The following POMT2 variants were observed in gnomAD, a reference collection of about 807,000 sequenced individuals.
POMT2 encodes the protein protein O-mannosyltransferase 2.
In POMT2, 75 loss-of-function variants were observed where a neutral mutation model predicts 100.0. The ratio of observed to expected loss-of-function variants is 0.75; its 90% CI spans 0.62 to 0.91. POMT2 has a LOEUF of 0.91. Ranked by LOEUF, POMT2 falls within the 40% of genes least tolerant of loss-of-function variation. The probability of loss-of-function intolerance (pLI) is 0.00; values close to 1 mark genes in which losing one functional copy is unlikely to be tolerated. For missense variants in POMT2, 940 were observed against 955.1 expected, an observed-to-expected ratio of 0.98 and a Z score of 0.21; for synonymous variants, 378 against 374.1, an observed-to-expected ratio of 1.01 and a Z score of -0.12.
intron 15 of POMT2, among the ~76,000 whole-genome samples, chr14:77,282,380 C>T (rs1890267884): frequency 6.6e-6 from 1 of 152,180 alleles, no homozygotes; most frequent in Non-Finnish European, 1.5e-5. Context: ...GGTCCCGGGC[C>T]ACTACTCAGC....
chr14:77,315,683 C>A (rs1354720111), intron 1 of POMT2, among the ~76,000 whole-genome samples: 7 of 152,204 alleles, frequency 4.6e-5, no homozygotes, highest in Non-Finnish European at 8.8e-5. Flanking sequence ...AAATCTACAT[C>A]CCTGGAAGGG....
chr14:77,280,107 C>T (rs1448185205), intron 16 of POMT2, 27 bp from the exon 17 acceptor site: 1 of 1,613,696 alleles, frequency 6.2e-7, no homozygotes, highest in East Asian at 2.2e-5. Flanking sequence ...ACCCTGCTGA[C>T]CCAGGCCCAG....
Position 77,284,971 on chromosome 14 carries a change from C to A in POMT2, c.1555G>T (p.Glu519Ter), listed in dbSNP as rs1379963762. The A allele has an allele frequency of 6.2e-7, 1 of 1,612,514 alleles. No individual in the cohort carries two copies. The highest frequency in any genetic ancestry group is 1.7e-5 in the Admixed American group (1 of 60,024). The stretch of plus-strand genomic sequence containing the variant: ...TCACACTTGGGATTGATATGGTCCT[C>A]CACATTCCAGATGGAGTTGAGGGTT... Reference protein sequence around the residue: ...KETLNSIWNVEDHINPKLPNI... With the variant: ...KETLNSIWNV The change falls in exon 14 of 21, where the codon GAG (glutamate) becomes TAG (stop). Residue 519 changes from glutamate (E) to a stop codon, truncating the protein, a stop_gained. Transcript: ENST00000261534. LOFTEE classifies it high-confidence loss of function.
intron 11 of POMT2, among the ~76,000 whole-genome samples, chr14:77,288,486 C>T (rs1353292016): frequency 6.6e-6 from 1 of 151,994 alleles, no homozygotes; most frequent in Non-Finnish European, 1.5e-5. Flanking sequence ...GCCTGGGTAA[C>T]ATAGTGAGAC....
intron 5 of POMT2, among the ~76,000 whole-genome samples, 159 bp from the exon 6 acceptor site, chr14:77,301,408 A>C (rs749253451): frequency 8.5e-5 from 13 of 152,056 alleles, no homozygotes; most frequent in Non-Finnish European, 1.0e-4. Context: ...TCCATGGAGG[A>C]GGCGGCCTGT....
At chr14:77,319,412 C>T (rs956260159) in intron 1 of POMT2, 2 of 152,150 alleles carry the variant, frequency 1.3e-5, no homozygotes, top group African/African-American at 4.8e-5. Flanking sequence ...ACCATAGAAT[C>T]GAGGAGTGAG....
chr14:77,279,616 C>A (rs1337851861), intron 18 of POMT2: 3 of 689,790 alleles, frequency 4.3e-6, no homozygotes, highest in Non-Finnish European at 7.9e-6. Context: ...TCATAATAGC[C>A]AACGCTCTAG....
In POMT2 at chr14:77,320,707, C is replaced by G; in HGVS notation, c.-26G>C. 6.3e-7 allele frequency: 1 copy of G among 1,589,910 alleles called. No homozygotes were observed. Among genetic ancestry groups the G allele is most frequent in the South Asian group, 1.1e-5 (1 of 90,348 alleles). On this transcript the variant is annotated 5_prime_UTR_variant, in exon 1 of 21. Coordinates refer to ENST00000261534, the MANE Select transcript of POMT2 (RefSeq NM_013382.7). ...CTTCCCCCTCCTCTGGGTCGCCCTC[C>G]GGCCCGGAGGCACACTTTGTCTGAC... is the stretch of plus-strand genomic sequence containing the variant.
In POMT2 at chr14:77,277,320, C is replaced by T; in HGVS notation, c.*56G>A. 6.8e-7 allele frequency: 1 copy of T among 1,467,648 alleles called. No homozygotes were observed. The highest frequency in any genetic ancestry group is 1.4e-5 in the African/African-American group (1 of 71,948). The allele number at this position is 1,467,648 out of a possible 1,614,324, so 90.9% of individuals were successfully genotyped here. On this transcript the variant is annotated 3_prime_UTR_variant, in exon 21 of 21. Transcript: ENST00000261534. ...ATGGCCGGATGGTCCAGTACTGCTTCCCAGCTGGCTCTCCTGGGAAGTTCC... is the reference window on the plus strand; with the variant it reads ...ATGGCCGGATGGTCCAGTACTGCTTTCCAGCTGGCTCTCCTGGGAAGTTCC...
Position 77,278,649 on chromosome 14 carries a change from A to G in POMT2, c.2032+80T>C, listed in dbSNP as rs949874294. Reference sequence around the variant, plus strand: ...ACAGTGGCCTCCCGTCAAGGAGCAGAGTCACTCCCAGCACTGCTGCCCAAC... The same window carrying G: ...ACAGTGGCCTCCCGTCAAGGAGCAGGGTCACTCCCAGCACTGCTGCCCAAC... On this transcript the variant is annotated intron_variant, in intron 19 of 20. Transcript: ENST00000261534. The G allele has an allele frequency of 5.1e-6, 8 of 1,575,532 alleles. No homozygotes were observed. In the African/African-American group the frequency reaches 1.1e-4, roughly 21 times the overall value.
chr14:77,301,608 T>C (rs574822451), intron 5 of POMT2, among the ~76,000 whole-genome samples: 2 of 152,312 alleles, frequency 1.3e-5, no homozygotes, highest in African/African-American at 2.4e-5. Flanking sequence ...GCCCTCTCCT[T>C]TGTGTCACCT....
In POMT2 at chr14:77,280,056, C is replaced by A. The variant is rs753539960; in HGVS notation, c.1750G>T (p.Asp584Tyr). 1.2e-6 allele frequency: 2 copies of A among 1,613,912 alleles called. No individual in the cohort carries two copies. The highest frequency in any genetic ancestry group is 1.7e-6 in the Non-Finnish European group (2 of 1,180,008). Residue 584 changes from aspartate to tyrosine, a missense_variant, in exon 17 of 21, where the codon GAC becomes TAC. Asp to Tyr is a radical substitution (Grantham distance 160). Transcript: ENST00000261534. ...AGCAGATAGACTCGGAAATCTGTGT[C>A]ATTGACCCCTGAGAAGCGTAGGCCC... is the stretch of plus-strand genomic sequence containing the variant. ...YQGLRFSGVN[D>Y]TDFRVYLLGN...
intron 8 of POMT2, among the ~76,000 whole-genome samples, chr14:77,297,026 C>T (rs1053589752): frequency 6.6e-6 from 1 of 152,242 alleles, no homozygotes; most frequent in Non-Finnish European, 1.5e-5. Context: ...CCCACAAAGG[C>T]GTGACAATGT....
In POMT2 at chr14:77,297,000, G is replaced by T. The variant is rs556429858; in HGVS notation, c.1007-727C>A. Among the ~76,000 whole-genome samples, 14 of 152,378 alleles carry T rather than the reference G, an allele frequency of 9.2e-5. No individual in the cohort carries two copies. The South Asian group carries it at 2.9e-3, about 32-fold the overall frequency. On this transcript the variant is annotated intron_variant, in intron 8 of 20. Transcript: ENST00000261534. ...TGGCTTCACACACTGACAAGTATAG[G>T]ACAGTGGGCAAGTGCCCCACAAAGG...
chr14:77,294,135 G>A (rs535493683), intron 9 of POMT2, among the ~76,000 whole-genome samples: 1 of 152,146 alleles, frequency 6.6e-6, no homozygotes, highest in Non-Finnish European at 1.5e-5. Flanking sequence ...AAACCACTGG[G>A]CCAGACATGA....
intron 9 of POMT2, 150 bp from the exon 10 acceptor site, chr14:77,291,530 C>G (rs1890642042): frequency 2.9e-6 from 3 of 1,028,530 alleles, no homozygotes; most frequent in Admixed American, 2.0e-5. Flanking sequence ...GGCCATGTTT[C>G]CCAATGGGGC....
At chr14:77,298,182 G>A (rs1890895711) in intron 8 of POMT2, among the ~76,000 whole-genome samples, 1 of 152,094 alleles carries the variant, frequency 6.6e-6, no homozygotes, top group Non-Finnish European at 1.5e-5. Context: ...AACCTCTGAT[G>A]CCCTTAACCG....
In POMT2 at chr14:77,278,685, C is replaced by T. The variant is rs935649683; in HGVS notation, c.2032+44G>A. The T allele has an allele frequency of 6.8e-6, 11 of 1,612,502 alleles. No individual in the cohort carries two copies. The African/African-American group carries it at 1.3e-4, about 20-fold the overall frequency. Reference sequence around the variant, plus strand: ...GCACTGCTGCCCAACAGTGGCCCGCCCTCCACCTGCTCTGTCTCCCAAGTC... The same window carrying T: ...GCACTGCTGCCCAACAGTGGCCCGCTCTCCACCTGCTCTGTCTCCCAAGTC... On this transcript the variant is annotated intron_variant, in intron 19 of 20. Transcript: ENST00000261534.
chr14:77,320,724 T>G lies in POMT2; in HGVS notation c.-43A>C. The G allele has an allele frequency of 6.3e-7, 1 of 1,580,288 alleles. No individual in the cohort carries two copies. The highest frequency in any genetic ancestry group is 8.5e-7 in the Non-Finnish European group (1 of 1,172,928). The stretch of plus-strand genomic sequence containing the variant: ...TCGCCCTCCGGCCCGGAGGCACACT[T>G]TGTCTGACCAGCCGCCCCGCCAAGG... On this transcript the variant is annotated 5_prime_UTR_variant, in exon 1 of 21. Coordinates refer to ENST00000261534, the MANE Select transcript of POMT2 (RefSeq NM_013382.7).
Sources: gnomAD v4.1 joint callset for allele counts (sites outside exome capture counted in the v4.1 genomes callset) on GRCh38, gnomAD v4.1.1 for gene constraint, MANE v1.5 for transcripts, NCBI Gene and HGNC (gene_info 2026-07-23, HGNC 2026-07-21) for gene names.